Variants in GNG4 observed in about 807,000 individuals in gnomAD.
GNG4 encodes guanine nucleotide-binding protein G(I)/G(S)/G(O) subunit gamma-4.
A neutral mutation model predicts 5.8 loss-of-function variants in GNG4; 4 were observed. The ratio of observed to expected loss-of-function variants is 0.69; its 90% CI spans 0.34 to 1.57. The LOEUF is 1.57. Ranked by LOEUF, GNG4 falls within the 40% of genes most tolerant of loss-of-function variation. The pLI is 0.06. For missense variants in GNG4, 96 were observed against 95.1 expected, an observed-to-expected ratio of 1.01 and a Z score of -0.04; for synonymous variants, 29 against 32.9, an observed-to-expected ratio of 0.88 and a Z score of 0.41.
chr1:235,582,777 C>G (rs1256361924), intron 3 of GNG4, among the ~76,000 whole-genome samples: 3 of 152,178 alleles, frequency 2.0e-5, no homozygotes, highest in Non-Finnish European at 2.9e-5. Context: ...TTACATCACG[C>G]TGGATTCCTT....
chr1:235,648,008 T>C lies in GNG4; in HGVS notation c.-123+1654A>G, dbSNP rs1180184125. 6.6e-6 allele frequency among the ~76,000 whole-genome samples: 1 copy of C among 151,830 alleles called. No individual in the cohort carries two copies. Among genetic ancestry groups the C allele is most frequent in the Non-Finnish European group, 1.5e-5 (1 of 68,000 alleles). On this transcript the variant is annotated intron_variant, in intron 1 of 3. Coordinates refer to ENST00000391854, the MANE Select transcript of GNG4 (RefSeq NM_001098722.2). The surrounding 1 kb of genome is among the most constrained non-coding windows in gnomAD (Gnocchi z 5.0). ...CACTTTTGCTTTAAAAACTGTAAAG[T>C]GAATCTAGGAAAAGCTTTTTTTTTT... is the stretch of plus-strand genomic sequence containing the variant.
chr1:235,598,165 G>A (rs925655636), intron 1 of GNG4, among the ~76,000 whole-genome samples: 3 of 152,188 alleles, frequency 2.0e-5, no homozygotes, highest in Non-Finnish European at 2.9e-5. Flanking sequence ...CTCTGGGAAT[G>A]TACAGAGACT....
intron 1 of GNG4, among the ~76,000 whole-genome samples, chr1:235,618,238 T>G (rs113527482): frequency 0.016 from 2,464 of 152,322 alleles, 30 homozygotes; most frequent in African/African-American, 0.029. Flanking sequence ...AGCCCAGTGA[T>G]TATGCTACAG....
intron 1 of GNG4, among the ~76,000 whole-genome samples, chr1:235,627,161 G>GT (rs1688833906): frequency 6.6e-6 from 1 of 151,808 alleles, no homozygotes; most frequent in African/African-American, 2.4e-5. Flanking sequence ...CTAGCCTGGG[G>GT]TTTTCACACC....
chr1:235,601,793 A>G (rs1688263006), intron 1 of GNG4, among the ~76,000 whole-genome samples: 1 of 152,040 alleles, frequency 6.6e-6, no homozygotes, highest in Non-Finnish European at 1.5e-5. Flanking sequence ...TTCAGATATC[A>G]TTTGGGGACC....
At chr1:235,561,279 G>A (rs1213375861) in intron 3 of GNG4, among the ~76,000 whole-genome samples, 2 of 152,214 alleles carry the variant, frequency 1.3e-5, no homozygotes, top group Non-Finnish European at 2.9e-5. Flanking sequence ...AAAGTGTTGG[G>A]ATTACAGGTG....
chr1:235,595,653 C>A (rs1688105914), intron 1 of GNG4, 142 bp from the exon 2 acceptor site: 1 of 152,410 alleles, frequency 6.6e-6, no homozygotes, highest in South Asian at 2.1e-4. Flanking sequence ...CCATATCAGA[C>A]CTTGGGGAGA....
In GNG4 at chr1:235,597,853, C is replaced by G. The variant is rs554237633; in HGVS notation, c.-122-2342G>C. On this transcript the variant is annotated intron_variant, in intron 1 of 3. Transcript: ENST00000391854. ...ATGTTGGCCAGGCTAATCTTGAACTCCTGACCTCAGGTGATCCACTCACCT... is the reference window on the plus strand; with the variant it reads ...ATGTTGGCCAGGCTAATCTTGAACTGCTGACCTCAGGTGATCCACTCACCT... Among the ~76,000 whole-genome samples, 4 of 152,058 alleles carry G rather than the reference C, an allele frequency of 2.6e-5. No homozygotes were observed. In the East Asian group the frequency reaches 7.7e-4, roughly 29 times the overall value.
In GNG4 at chr1:235,549,405, C is replaced by T. The variant is rs1218513730; in HGVS notation, c.*2704G>A. 6.6e-6 allele frequency: 1 copy of T among 152,322 alleles called. No homozygotes were observed. The highest frequency in any genetic ancestry group is 1.5e-5 in the Non-Finnish European group (1 of 68,124). The allele number at this position is 152,322 out of a possible 1,614,324, so 9.4% of individuals were successfully genotyped here. A position where few individuals can be genotyped will look rare whatever the true frequency, so the allele number is the denominator to read the frequency against. Reference sequence around the variant, plus strand: ...TCTGGAGGGACGGGGCATGTAAAAACAACAGGGAGAAGGTTTGGTGGAAGA... The same window carrying T: ...TCTGGAGGGACGGGGCATGTAAAAATAACAGGGAGAAGGTTTGGTGGAAGA... On this transcript the variant is annotated 3_prime_UTR_variant, in exon 4 of 4. Coordinates refer to ENST00000391854, the MANE Select transcript of GNG4 (RefSeq NM_001098722.2).
At chr1:235,634,072 C>A (rs899461981) in intron 1 of GNG4, among the ~76,000 whole-genome samples, 2 of 152,140 alleles carry the variant, frequency 1.3e-5, no homozygotes, top group Non-Finnish European at 2.9e-5. Flanking sequence ...ACAGTTAGTT[C>A]CACTGGTCAC....
At chr1:235,649,942 G>A (rs1657628814), upstream of GNG4, 1 of 150,288 alleles carries the variant, frequency 6.7e-6, no homozygotes, top group Non-Finnish European at 1.5e-5. This position sits in a 1 kb window ranked among gnomAD's most constrained non-coding sequence, Gnocchi z 5.7. Context: ...CCTGTGCCGT[G>A]GGGGCCCAGA....
chr1:235,611,856 A>G (rs1328983064), intron 1 of GNG4, among the ~76,000 whole-genome samples: 1 of 152,038 alleles, frequency 6.6e-6, no homozygotes, highest in Non-Finnish European at 1.5e-5. Flanking sequence ...TGAGTCCAGG[A>G]GTTCAAGAAC....
chr1:235,581,735 C>G (rs928139535), intron 3 of GNG4, among the ~76,000 whole-genome samples: 3 of 152,064 alleles, frequency 2.0e-5, no homozygotes, highest in Non-Finnish European at 2.9e-5. Context: ...ATGACCCAGT[C>G]CCAGGGATTT....
At chr1:235,572,849 T>C (rs1687379773) in intron 3 of GNG4, among the ~76,000 whole-genome samples, 2 of 152,186 alleles carry the variant, frequency 1.3e-5, no homozygotes, top group South Asian at 2.1e-4. Context: ...ATATATGCAG[T>C]CTGTCGCTGA....
At chr1:235,604,577 A>T (rs1045929373) in intron 1 of GNG4, among the ~76,000 whole-genome samples, 2 of 152,216 alleles carry the variant, frequency 1.3e-5, no homozygotes, top group Non-Finnish European at 2.9e-5. Context: ...ATTTGTAGAC[A>T]TCACTCCAAT....
At chr1:235,605,976 G>A (rs1688351699) in intron 1 of GNG4, among the ~76,000 whole-genome samples, 3 of 149,810 alleles carry the variant, frequency 2.0e-5, no homozygotes, top group African/African-American at 2.4e-5. Context: ...GTCTCACTGT[G>A]TTGCCCAGGC....
intron 1 of GNG4, among the ~76,000 whole-genome samples, chr1:235,617,826 AG>A (rs1429343355): frequency 1.3e-5 from 2 of 150,474 alleles, no homozygotes; most frequent in African/African-American, 2.4e-5. Context: ...CGGAGGTTGC[AG>A]TGAGCTGAGA....
At chr1:235,575,889 AC>A (rs1357310980) in intron 3 of GNG4, among the ~76,000 whole-genome samples, 9 of 152,196 alleles carry the variant, frequency 5.9e-5, no homozygotes, top group Non-Finnish European at 5.9e-5. Context: ...GGAGCGCTGC[AC>A]TTCACCCTTG....
chr1:235,556,729 G>A (rs1032505388), intron 3 of GNG4, among the ~76,000 whole-genome samples: 4 of 103,692 alleles, frequency 3.9e-5, no homozygotes, highest in South Asian at 3.2e-4. Context: ...TAGATTTATC[G>A]TACACTTTAT....
Sources: gnomAD v4.1 joint callset for allele counts (sites outside exome capture counted in the v4.1 genomes callset) on GRCh38, gnomAD v4.1.1 for gene constraint, Gnocchi (gnomAD v3.1) non-coding constraint, MANE v1.5 for transcripts, NCBI Gene and HGNC (gene_info 2026-07-23, HGNC 2026-07-21) for gene names.